DOCK2: variants seen among roughly 807,000 people sequenced by gnomAD.
The protein encoded by DOCK2 is dedicator of cytokinesis protein 2.
A neutral mutation model predicts 248.9 loss-of-function variants in DOCK2; 87 were observed. The ratio of observed to expected loss-of-function variants is 0.35; its 90% confidence interval spans 0.29 to 0.42. The LOEUF (loss-of-function observed/expected upper bound fraction) is 0.42. DOCK2 is among the 10% of genes least tolerant of loss of function. The pLI is 1.00. For synonymous variants in DOCK2, 805 were observed against 821.6 expected (o/e 0.98, Z 0.35); for missense variants, 1,747 against 2,300.2 (o/e 0.76, Z 4.92).
intron 32 of DOCK2, among the ~76,000 whole-genome samples, chr5:170,016,862 C>G (rs1268139015): frequency 6.6e-6 from 1 of 152,126 alleles, no homozygotes; most frequent in East Asian, 1.9e-4. Flanking sequence ...AATCAGAAAC[C>G]TAGATTAGCA....
Position 169,916,126 on chromosome 5 carries a change from C to T in DOCK2, c.2800-66942C>T, listed in dbSNP as rs528957999. ...AATTCAAACTAGATTTGAGGTCTTC[C>T]TGATTCCCGGGATTTACTCTACCGG... On this transcript the variant is annotated intron_variant, in intron 27 of 51. Coordinates refer to ENST00000520908, the MANE Select transcript of DOCK2 (RefSeq NM_004946.3). Among the ~76,000 whole-genome samples the T allele has an allele frequency of 3.3e-5, 5 of 152,296 alleles. No individual in the cohort carries two copies. In the East Asian group the frequency reaches 9.7e-4, roughly 29 times the overall value.
chr5:169,802,936 A>AT (rs2113131087), intron 25 of DOCK2, 122 bp from the exon 26 acceptor site: 3 of 1,236,484 alleles, frequency 2.4e-6, no homozygotes, highest in Non-Finnish European at 2.2e-6. Context: ...TAATATTTTA[A>AT]TTTTTTACAA....
intron 5 of DOCK2, among the ~76,000 whole-genome samples, chr5:169,673,830 T>C (rs1283496515): frequency 3.3e-5 from 5 of 152,194 alleles, no homozygotes; most frequent in Non-Finnish European, 7.4e-5. Flanking sequence ...GGGATCCATG[T>C]TGTTTGACCT....
chr5:170,066,297 C>A (rs577090860), intron 44 of DOCK2, among the ~76,000 whole-genome samples: 2 of 139,076 alleles, frequency 1.4e-5, no homozygotes, highest in South Asian at 4.5e-4. Flanking sequence ...TAAAAAAAAA[C>A]AAAACAAAAG....
chr5:169,768,153 A>G (rs1764896439), intron 25 of DOCK2, among the ~76,000 whole-genome samples: 1 of 152,144 alleles, frequency 6.6e-6, no homozygotes, highest in Admixed American at 6.5e-5. Context: ...AGTTCCACCC[A>G]CGGTCCGTTG....
At chr5:169,865,634 C>T (rs1277930621) in intron 27 of DOCK2, among the ~76,000 whole-genome samples, 1 of 152,166 alleles carries the variant, frequency 6.6e-6, no homozygotes. Context: ...GTGTTTGTTA[C>T]CTGGTTTCAT....
chr5:169,850,500 T>C (rs1770565339), intron 27 of DOCK2, among the ~76,000 whole-genome samples: 1 of 151,978 alleles, frequency 6.6e-6, no homozygotes, highest in South Asian at 2.1e-4. Flanking sequence ...TATGTGTATG[T>C]GTGTTAAGGG....
intron 27 of DOCK2, among the ~76,000 whole-genome samples, chr5:169,872,520 A>G (rs921676737): frequency 7.2e-5 from 11 of 152,310 alleles, no homozygotes; most frequent in African/African-American, 2.4e-4. Context: ...TAGGGCATCT[A>G]TCTGCTGTTG....
intron 44 of DOCK2, among the ~76,000 whole-genome samples, chr5:170,058,154 T>C (rs1757202991): frequency 6.6e-6 from 1 of 152,204 alleles, no homozygotes. Flanking sequence ...ATTTTGCTTC[T>C]CAGCACAGCT....
At chr5:169,791,097 C>T (rs1176338004) in intron 25 of DOCK2, among the ~76,000 whole-genome samples, 2 of 152,114 alleles carry the variant, frequency 1.3e-5, no homozygotes, top group Non-Finnish European at 2.9e-5. Context: ...TGTGAGTTGC[C>T]CTAAATACGG....
intron 26 of DOCK2, among the ~76,000 whole-genome samples, chr5:169,807,570 C>A (rs1350833483): frequency 1.3e-5 from 2 of 152,062 alleles, no homozygotes; most frequent in Admixed American, 1.3e-4. Flanking sequence ...ATGTGGCTCA[C>A]GCCTGTAATC....
At chr5:170,054,002 C>A (rs1757018144) in intron 41 of DOCK2, among the ~76,000 whole-genome samples, 1 of 151,312 alleles carries the variant, frequency 6.6e-6, no homozygotes, top group African/African-American at 2.4e-5. Context: ...CTGTGGAAAG[C>A]CAAAGGAAGG....
At chr5:169,684,565 G>T (rs572693616) in intron 8 of DOCK2, among the ~76,000 whole-genome samples, 7 of 152,266 alleles carry the variant, frequency 4.6e-5, no homozygotes, top group Non-Finnish European at 1.0e-4. Flanking sequence ...ATGGTTGTAG[G>T]GTTTTGTAAA....
intron 27 of DOCK2, among the ~76,000 whole-genome samples, chr5:169,865,958 G>C (rs777378803): frequency 2.0e-5 from 3 of 152,242 alleles, no homozygotes; most frequent in Admixed American, 6.5e-5. Context: ...TGCCATGCAT[G>C]ACGAATGGAG....
chr5:169,673,798 T>C (rs1393728680), intron 5 of DOCK2, among the ~76,000 whole-genome samples: 1 of 152,176 alleles, frequency 6.6e-6, no homozygotes, highest in Non-Finnish European at 1.5e-5. Flanking sequence ...AGGATGGAAA[T>C]GGAGTGGGAG....
At chr5:169,806,890 C>T (rs922062230) in intron 26 of DOCK2, among the ~76,000 whole-genome samples, 71 of 143,536 alleles carry the variant, frequency 4.9e-4, no homozygotes, top group African/African-American at 1.7e-3. Context: ...CACTGAAAGC[C>T]GTTTTCACTG....
intron 22 of DOCK2, among the ~76,000 whole-genome samples, chr5:169,730,015 G>T (rs1228977949): frequency 6.6e-6 from 1 of 152,172 alleles, no homozygotes; most frequent in East Asian, 1.9e-4. Context: ...GGAGTGCAAT[G>T]GCACAATCTC....
chr5:169,637,752 C>T (rs1052674854), intron 1 of DOCK2, among the ~76,000 whole-genome samples: 3 of 152,226 alleles, frequency 2.0e-5, no homozygotes, highest in African/African-American at 7.2e-5. Context: ...TCAGCCTTGG[C>T]CTGCCCACCA....
intron 7 of DOCK2, among the ~76,000 whole-genome samples, chr5:169,683,494 G>A (rs953222861): frequency 4.6e-5 from 7 of 152,118 alleles, no homozygotes; most frequent in Non-Finnish European, 7.4e-5. Context: ...GCCTTCCAAA[G>A]TGCTGAGATT....
Sources: allele counts gnomAD v4.1 joint callset (sites outside exome capture counted in the v4.1 genomes callset), GRCh38; gene constraint gnomAD v4.1.1; transcripts MANE v1.5; gene names NCBI Gene and HGNC (gene_info 2026-07-23, HGNC 2026-07-21).